The following PCDHGA3 variants were observed in gnomAD, a reference collection of about 807,000 sequenced individuals.
PCDHGA3 encodes the protein protocadherin gamma-A3.
A neutral mutation model predicts 58.5 loss-of-function variants in PCDHGA3; 40 were observed. That is an observed-to-expected ratio of 0.68 (90% CI 0.53 to 0.89). The LOEUF is 0.89. Among genes scored for constraint, PCDHGA3 ranks in the 40% least tolerant of loss-of-function variants. The pLI is 0.00. For synonymous variants in PCDHGA3, 530 were observed against 525.7 expected (o/e 1.01, Z -0.11); for missense variants, 1,223 against 1,195.9 (o/e 1.02, Z -0.33).
chr5:141,467,625 T>C (rs1407031447), intron 1 of PCDHGA3, among the ~76,000 whole-genome samples: 1 of 152,202 alleles, frequency 6.6e-6, no homozygotes, highest in African/African-American at 2.4e-5. Flanking sequence ...TGATTTGAGA[T>C]AGCATCTTTA....
intron 1 of PCDHGA3, chr5:141,478,602 T>C (rs2099466537): frequency 6.4e-7 from 1 of 1,563,560 alleles, no homozygotes; most frequent in Admixed American, 1.9e-5. Context: ...TCCTACATCA[T>C]ATTGAGGAAG....
chr5:141,421,916 G>T (rs754653877), intron 1 of PCDHGA3: 1 of 1,613,528 alleles, frequency 6.2e-7, no homozygotes. Flanking sequence ...GTTCCCATTC[G>T]TGTGGTGGTC....
In PCDHGA3 at chr5:141,477,500, T is replaced by C. The variant is rs757547508; in HGVS notation, c.2425-17307T>C. The C allele has an allele frequency of 3.1e-6, 5 of 1,614,156 alleles. No homozygotes were observed. Among genetic ancestry groups the C allele is most frequent in the Non-Finnish European group, 4.2e-6 (5 of 1,180,026 alleles). ...CCCTCCACAATCTTCTCAATCTTCC[T>C]ACGACGTTTACATTGAAGAAAACAA... On this transcript the variant is annotated intron_variant, in intron 1 of 3. Coordinates refer to ENST00000253812, the MANE Select transcript of PCDHGA3 (RefSeq NM_018916.4). This position sits in a 1 kb window ranked among gnomAD's most constrained non-coding sequence, Gnocchi z 4.9.
At chr5:141,395,070 T>C (rs1222192652) in intron 1 of PCDHGA3, 1 of 1,614,158 alleles carries the variant, frequency 6.2e-7, no homozygotes, top group Non-Finnish European at 8.5e-7. Context: ...CCTGCAGACC[T>C]ATTCCCAGGA....
intron 1 of PCDHGA3, chr5:141,404,821 A>C: frequency 6.2e-7 from 1 of 1,613,788 alleles, no homozygotes; most frequent in Non-Finnish European, 8.5e-7. Flanking sequence ...GGCTGCACAC[A>C]GGTGAAGTGC....
At chr5:141,419,297 G>A (rs1460451634) in intron 1 of PCDHGA3, 1 of 1,614,048 alleles carries the variant, frequency 6.2e-7, no homozygotes, top group Admixed American at 1.7e-5. Context: ...CTCTGACCCA[G>A]ACTTCGGGCT....
Position 141,431,669 on chromosome 5 carries a change from A to G in PCDHGA3, c.2425-63138A>G, listed in dbSNP as rs2154554523. ...TTGTAATTCAGGGACAATATCAACA[A>G]TAGGGGAGTTGGACCACGAGGAGTC... On this transcript the variant is annotated intron_variant, in intron 1 of 3. Transcript: ENST00000253812. The surrounding 1 kb of genome is among the most constrained non-coding windows in gnomAD (Gnocchi z 4.8). 2 of 1,614,210 alleles carry G rather than the reference A, an allele frequency of 1.2e-6. No individual in the cohort carries two copies. Among genetic ancestry groups the G allele is most frequent in the South Asian group, 1.1e-5 (1 of 91,084 alleles).
chr5:141,438,526 G>A (rs188552043), intron 1 of PCDHGA3, among the ~76,000 whole-genome samples: 11 of 143,330 alleles, frequency 7.7e-5, no homozygotes, highest in Non-Finnish European at 1.5e-4. Flanking sequence ...ATTTTACATG[G>A]ACTTTTCCTC....
chr5:141,436,973 T>C (rs1209787552), intron 1 of PCDHGA3, among the ~76,000 whole-genome samples: 1 of 152,234 alleles, frequency 6.6e-6, no homozygotes, highest in Non-Finnish European at 1.5e-5. Context: ...TTGTGAAACT[T>C]ATTTTAAAGA....
intron 1 of PCDHGA3, chr5:141,371,778 G>A (rs1305768606): frequency 6.2e-7 from 1 of 1,614,002 alleles, no homozygotes; most frequent in Non-Finnish European, 8.5e-7. Context: ...CGTGCATGTA[G>A]CTGAGAACAA....
chr5:141,393,126 A>C (rs1216742718), intron 1 of PCDHGA3: 1 of 1,613,316 alleles, frequency 6.2e-7, no homozygotes, highest in East Asian at 2.2e-5. Context: ...GTGTCTGATA[A>C]ATATTAACAC....
chr5:141,349,331 A>C (rs943183945), intron 1 of PCDHGA3, among the ~76,000 whole-genome samples: 1 of 152,182 alleles, frequency 6.6e-6, no homozygotes, highest in Admixed American at 6.5e-5. Context: ...TGGCCTCCCA[A>C]AGTGCTGGGA....
intron 1 of PCDHGA3, among the ~76,000 whole-genome samples, chr5:141,465,335 T>C (rs1222292569): frequency 6.6e-6 from 1 of 152,186 alleles, no homozygotes; most frequent in African/African-American, 2.4e-5. Context: ...ATTTTTTATA[T>C]TGGTTACTGA....
chr5:141,377,133 G>A (rs1013848288), intron 1 of PCDHGA3: 25 of 152,138 alleles, frequency 1.6e-4, no homozygotes, highest in African/African-American at 5.8e-4. Flanking sequence ...ATTTTGTGGG[G>A]GAAAATAATG....
chr5:141,431,163 A>G lies in PCDHGA3; in HGVS notation c.2425-63644A>G. On this transcript the variant is annotated intron_variant, in intron 1 of 3. Transcript: ENST00000253812. This position sits in a 1 kb window ranked among gnomAD's most constrained non-coding sequence, Gnocchi z 4.8. ...AACGACAATGCGCCTTACTTTCGTG[A>G]AAGTGAATTAGAAATAAAAATTAGT... 1 of 1,614,246 alleles carries G rather than the reference A, an allele frequency of 6.2e-7. No individual in the cohort carries two copies. Among genetic ancestry groups the G allele is most frequent in the Non-Finnish European group, 8.5e-7 (1 of 1,180,036 alleles).
At chr5:141,370,420 G>T (rs1766894267) in intron 1 of PCDHGA3, 2 of 1,580,404 alleles carry the variant, frequency 1.3e-6, no homozygotes, top group Non-Finnish European at 1.7e-6. Flanking sequence ...GGATGGAGGG[G>T]CCCAGCAGGG....
intron 1 of PCDHGA3, chr5:141,383,701 G>A (rs761689266): frequency 2.5e-6 from 4 of 1,613,810 alleles, no homozygotes; most frequent in South Asian, 1.1e-5. Flanking sequence ...ACATGCTATC[G>A]ACCTGGACGA....
Position 141,366,617 on chromosome 5 carries a change from T to G in PCDHGA3, c.2424+20160T>G, listed in dbSNP as rs768444252. 5.0e-6 allele frequency: 8 copies of G among 1,614,120 alleles called. No individual in the cohort carries two copies. The African/African-American group carries it at 1.1e-4, about 22-fold the overall frequency. On this transcript the variant is annotated intron_variant, in intron 1 of 3. Transcript: ENST00000253812. ...CCACGAGGTCTCCCTCACCGCGGAC[T>G]CGAGGAAGAGTCACCTGATCTTTCC...
chr5:141,347,483 A>T (rs1757972664), intron 1 of PCDHGA3, among the ~76,000 whole-genome samples: 1 of 152,050 alleles, frequency 6.6e-6, no homozygotes, highest in Non-Finnish European at 1.5e-5. Flanking sequence ...AATAACATAA[A>T]AATTGGAGAA....
Sources: gnomAD v4.1 joint callset for allele counts (sites outside exome capture counted in the v4.1 genomes callset) on GRCh38, gnomAD v4.1.1 for gene constraint, Gnocchi (gnomAD v3.1) non-coding constraint, MANE v1.5 for transcripts, NCBI Gene and HGNC (gene_info 2026-07-23, HGNC 2026-07-21) for gene names.